The following EYS variants were observed in gnomAD, a reference collection of about 807,000 sequenced individuals.
EYS encodes protein eyes shut homolog.
Under a neutral mutation model 282.1 loss-of-function variants are expected in EYS, and 250 were observed. That is an observed-to-expected ratio of 0.89 (90% CI 0.80 to 0.98). The LOEUF (loss-of-function observed/expected upper bound fraction) is 0.98, where lower values mean the gene tolerates loss of function less well. EYS is among the 50% of genes least tolerant of loss of function. EYS has a pLI of 0.00. For synonymous variants in EYS, 1,355 were observed against 1,282.9 expected, an observed-to-expected ratio of 1.06 and a Z score of -1.20; for missense variants, 4,016 against 3,709.0, an observed-to-expected ratio of 1.08 and a Z score of -2.15.
intron 13 of EYS, among the ~76,000 whole-genome samples, chr6:65,012,874 A>AT (rs1378743604): frequency 9.8e-5 from 2 of 20,348 alleles, no homozygotes; most frequent in Non-Finnish European, 2.9e-4. Flanking sequence ...ATTTCCTTCA[A>AT]TAAAAAAAAA....
chr6:64,851,906 T>C (rs908604715), intron 19 of EYS, among the ~76,000 whole-genome samples: 3 of 152,074 alleles, frequency 2.0e-5, no homozygotes, highest in African/African-American at 7.2e-5. Context: ...TGGTGATCTG[T>C]ACAAGAAACC....
chr6:64,819,406 T>A (rs116257904), intron 21 of EYS, among the ~76,000 whole-genome samples: 1,798 of 152,002 alleles, frequency 0.012, 36 homozygotes, highest in African/African-American at 0.04. Context: ...CTGGTGCAAA[T>A]GAAATAAAAA....
At chr6:63,932,180 C>T (rs936554980) in intron 35 of EYS, among the ~76,000 whole-genome samples, 4 of 152,060 alleles carry the variant, frequency 2.6e-5, no homozygotes, top group South Asian at 2.1e-4. Context: ...TTTTTATGGC[C>T]GAATATTGTT....
chr6:63,826,651 T>C (rs1052068483), intron 36 of EYS, among the ~76,000 whole-genome samples: 9 of 152,056 alleles, frequency 5.9e-5, no homozygotes, highest in African/African-American at 1.9e-4. Context: ...CTAAGCATCA[T>C]ATGTGAAGGA....
rs116167652 is a variant in EYS, at chr6:64,705,088, C to T, written c.3444-78843G>A. Among the ~76,000 whole-genome samples, 585 of 152,166 alleles carry T rather than the reference C, an allele frequency of 3.8e-3. 1 individual carries two copies. The highest frequency in any genetic ancestry group is 0.013 in the African/African-American group (553 of 41,506). ...GTTTACCTAGAATACCGTAAGGATG[C>T]CTCCAAATAGCTCCTAAAACTGATA... On this transcript the variant is annotated intron_variant, in intron 22 of 42. Coordinates refer to ENST00000503581, the MANE Select transcript of EYS (RefSeq NM_001142800.2).
chr6:64,508,756 C>T (rs1777292966), intron 26 of EYS, among the ~76,000 whole-genome samples: 2 of 151,878 alleles, frequency 1.3e-5, no homozygotes, highest in African/African-American at 4.8e-5. Flanking sequence ...TAAGTGATCA[C>T]CAATGTTAAG....
chr6:64,786,270 T>C (rs1774017235), intron 22 of EYS, among the ~76,000 whole-genome samples: 2 of 149,162 alleles, frequency 1.3e-5, no homozygotes, highest in Non-Finnish European at 3.0e-5. Context: ...AGGAAGAAGC[T>C]CCCCTGTACA....
intron 12 of EYS, among the ~76,000 whole-genome samples, chr6:65,102,570 T>C (rs528378826): frequency 3.3e-5 from 5 of 151,408 alleles, no homozygotes; most frequent in Non-Finnish European, 7.4e-5. Context: ...TTCAATGTCC[T>C]AATTTATGTA....
chr6:65,688,743 C>T lies in EYS; in HGVS notation c.-448+18392G>A, dbSNP rs1017525132. On this transcript the variant is annotated intron_variant, in intron 1 of 42. Coordinates refer to ENST00000503581, the MANE Select transcript of EYS (RefSeq NM_001142800.2). ...TGAACAGACACTTCTCAAAAGAAGA[C>T]ATTTAAGCAGCCAAAAGACACATGA... Among the ~76,000 whole-genome samples the T allele has an allele frequency of 1.1e-4, 16 of 152,044 alleles. 1 individual carries two copies. The South Asian group carries it at 3.3e-3, about 32-fold the overall frequency.
At chr6:64,014,778 T>A (rs1397281450) in intron 33 of EYS, among the ~76,000 whole-genome samples, 1 of 115,808 alleles carries the variant, frequency 8.6e-6, no homozygotes, top group Non-Finnish European at 1.7e-5. Context: ...AGTCTTTTTT[T>A]ATTTTTTTTT....
intron 12 of EYS, among the ~76,000 whole-genome samples, chr6:65,141,337 T>G (rs1221832994): frequency 2.6e-5 from 4 of 151,880 alleles, no homozygotes; most frequent in African/African-American, 7.3e-5. Flanking sequence ...TTCTGGGGAC[T>G]GTTGTGGGGT....
chr6:64,776,232 G>A (rs2149989971), intron 22 of EYS, among the ~76,000 whole-genome samples: 1 of 152,152 alleles, frequency 6.6e-6, no homozygotes, highest in East Asian at 1.9e-4. Flanking sequence ...AGGAGATCGA[G>A]CAAACCTGTT....
chr6:63,852,089 G>A (rs369443345), intron 36 of EYS, among the ~76,000 whole-genome samples: 14 of 145,482 alleles, frequency 9.6e-5, no homozygotes, highest in East Asian at 4.1e-4. Flanking sequence ...CCCGGGAGGC[G>A]GAGCTTGCAG....
At chr6:65,373,523 C>T (rs973004974) in intron 8 of EYS, among the ~76,000 whole-genome samples, 4 of 152,006 alleles carry the variant, frequency 2.6e-5, no homozygotes, top group African/African-American at 9.7e-5. Flanking sequence ...GGAATGACTT[C>T]TAACATTTTC....
intron 14 of EYS, among the ~76,000 whole-genome samples, chr6:64,976,328 A>G (rs576609006): frequency 2.0e-5 from 3 of 152,038 alleles, no homozygotes; most frequent in Non-Finnish European, 2.9e-5. Context: ...ATATTGGCCT[A>G]TTTTATAATT....
At chr6:65,666,791 T>C (rs909934763) in intron 1 of EYS, among the ~76,000 whole-genome samples, 27 of 151,144 alleles carry the variant, frequency 1.8e-4, no homozygotes, top group African/African-American at 6.1e-4. Flanking sequence ...AATCATAGAA[T>C]AAAAAAGGTT....
At chr6:64,969,300 T>A (rs115080304) in intron 14 of EYS, among the ~76,000 whole-genome samples, 2,370 of 152,258 alleles carry the variant, frequency 0.016, 64 homozygotes, top group African/African-American at 0.054. Flanking sequence ...AACTTGCTAC[T>A]AGCTGGGGAC....
chr6:65,699,515 G>A (rs2149850893), intron 1 of EYS, among the ~76,000 whole-genome samples: 1 of 152,220 alleles, frequency 6.6e-6, no homozygotes, highest in South Asian at 2.1e-4. Context: ...GATGTAAGTA[G>A]TAGTCATGTA....
intron 5 of EYS, among the ~76,000 whole-genome samples, chr6:65,466,104 A>T: frequency 6.6e-6 from 1 of 152,204 alleles, no homozygotes; most frequent in East Asian, 1.9e-4. Flanking sequence ...CCTCAGCAAT[A>T]TAAAATGTAT....
Sources: gnomAD v4.1 joint callset for allele counts (sites outside exome capture counted in the v4.1 genomes callset) on GRCh38, gnomAD v4.1.1 for gene constraint, MANE v1.5 for transcripts, NCBI Gene and HGNC (gene_info 2026-07-23, HGNC 2026-07-21) for gene names.